SUSD4: variants seen among roughly 807,000 people sequenced by gnomAD.
The protein encoded by SUSD4 is sushi domain containing 4, also known as sushi domain-containing protein 4.
A neutral mutation model predicts 50.5 loss-of-function variants in SUSD4; 41 were observed. The observed-to-expected ratio is 0.81, with a 90% CI of 0.63 to 1.05. The LOEUF is 1.05. Among genes scored for constraint, SUSD4 ranks in the 50% least tolerant of loss-of-function variants. The pLI, the probability that SUSD4 is intolerant of heterozygous loss-of-function variation, is 0.00. For synonymous variants in SUSD4, 257 were observed against 257.3 expected, an observed-to-expected ratio of 1.00 and a Z score of 0.01; for missense variants, 580 against 634.7, an observed-to-expected ratio of 0.91 and a Z score of 0.93.
At position 223,229,797 on chromosome 1, in the gene SUSD4, T is replaced by C. The variant is rs1372814721; in HGVS notation, c.725-409A>G. 1.3e-5 allele frequency among the ~76,000 whole-genome samples: 2 copies of C among 152,250 alleles called. No individual in the cohort carries two copies. The highest frequency in any genetic ancestry group is 4.8e-5 in the African/African-American group (2 of 41,476). ...GGCATAGTTATCCCAAGCCTGTTTC[T>C]GTGACCACAGTAGTAATTTGGGTCT... On this transcript the variant is annotated intron_variant, in intron 5 of 8. Transcript: ENST00000366878. The surrounding 1 kb of genome is among the most constrained non-coding windows in gnomAD (Gnocchi z 4.7).
At chr1:223,233,463 C>G (rs1380963917) in intron 5 of SUSD4, among the ~76,000 whole-genome samples, 1 of 152,200 alleles carries the variant, frequency 6.6e-6, no homozygotes, top group African/African-American at 2.4e-5. Flanking sequence ...TCACCCAACA[C>G]TGCCTCTCAC....
chr1:223,290,077 C>A (rs1277464301), intron 3 of SUSD4, among the ~76,000 whole-genome samples: 2 of 152,138 alleles, frequency 1.3e-5, no homozygotes, highest in Non-Finnish European at 2.9e-5. Context: ...CTTTAATGAC[C>A]TATAACAATG....
intron 7 of SUSD4, among the ~76,000 whole-genome samples, chr1:223,226,509 C>A (rs1443522388): frequency 1.3e-5 from 2 of 152,214 alleles, no homozygotes; most frequent in African/African-American, 4.8e-5. Context: ...AGGTTAAGGG[C>A]AAAGGCGGGT....
intron 3 of SUSD4, among the ~76,000 whole-genome samples, chr1:223,284,827 A>C (rs1664025524): frequency 6.6e-6 from 1 of 152,316 alleles, no homozygotes; most frequent in South Asian, 2.1e-4. Flanking sequence ...ATCTCATAGA[A>C]GTAAAAAGTA....
intron 2 of SUSD4, among the ~76,000 whole-genome samples, chr1:223,344,876 T>C (rs1270945521): frequency 6.6e-6 from 1 of 152,210 alleles, no homozygotes; most frequent in Non-Finnish European, 1.5e-5. Flanking sequence ...CCTTGTTATG[T>C]TCAAGGCTGG....
intron 2 of SUSD4, among the ~76,000 whole-genome samples, chr1:223,356,836 G>T (rs531647650): frequency 6.6e-6 from 1 of 152,288 alleles, no homozygotes; most frequent in Admixed American, 6.5e-5. Flanking sequence ...AAGAGAGAGA[G>T]AAATACTCAA....
rs148190535 is a variant in SUSD4 at position 223,282,604 on chromosome 1, G to A, written c.361+9835C>T. Reference sequence around the variant, plus strand: ...GAAATAAAAGAGGATATGAACAAGTGGAAGAACATTCTATGCTCATGGGTA... The same window carrying A: ...GAAATAAAAGAGGATATGAACAAGTAGAAGAACATTCTATGCTCATGGGTA... On this transcript the variant is annotated intron_variant, in intron 3 of 8. Coordinates refer to ENST00000366878, the MANE Select transcript of SUSD4 (RefSeq NM_017982.4). Among the ~76,000 whole-genome samples, 537 of 152,302 alleles carry A rather than the reference G, an allele frequency of 3.5e-3. 21 individuals carry two copies. Among genetic ancestry groups the A allele is most frequent in the Admixed American group, 0.031 (469 of 15,302 alleles).
intron 5 of SUSD4, among the ~76,000 whole-genome samples, chr1:223,237,241 G>A (rs1360965038): frequency 6.6e-6 from 1 of 151,908 alleles, no homozygotes; most frequent in Non-Finnish European, 1.5e-5. Context: ...TTCTAGGAGG[G>A]TTTTTTGGTC....
At chr1:223,335,474 C>A (rs1667406295) in intron 2 of SUSD4, among the ~76,000 whole-genome samples, 1 of 152,042 alleles carries the variant, frequency 6.6e-6, no homozygotes, top group South Asian at 2.1e-4. Context: ...TCTTTTCAGT[C>A]AATTTTCAGT....
chr1:223,362,988 G>C (rs1669082475), intron 2 of SUSD4, among the ~76,000 whole-genome samples: 2 of 129,328 alleles, frequency 1.5e-5, no homozygotes, highest in Admixed American at 2.1e-4. Flanking sequence ...GGGAATAATG[G>C]GCCAGGCTTT....
intron 2 of SUSD4, among the ~76,000 whole-genome samples, chr1:223,317,254 A>G (rs1034752893): frequency 1.3e-5 from 2 of 152,212 alleles, no homozygotes; most frequent in Non-Finnish European, 2.9e-5. Context: ...CTACACTCCG[A>G]CCAGTGCCAT....
chr1:223,225,320 G>A (rs851144), intron 7 of SUSD4, among the ~76,000 whole-genome samples: 9,068 of 152,146 alleles, frequency 0.06, 639 homozygotes, highest in African/African-American at 0.17. Context: ...AAGATGAAAC[G>A]TCTGGGGGTG....
intron 2 of SUSD4, among the ~76,000 whole-genome samples, chr1:223,304,109 A>T (rs1665365139): frequency 6.6e-6 from 1 of 152,202 alleles, no homozygotes; most frequent in Admixed American, 6.5e-5. Context: ...GGCCTGTCTT[A>T]TCCATATGAA....
intron 2 of SUSD4, among the ~76,000 whole-genome samples, chr1:223,335,805 G>A (rs1215282146): frequency 6.6e-6 from 1 of 152,192 alleles, no homozygotes; most frequent in African/African-American, 2.4e-5. Context: ...CTGAGACGGT[G>A]ATCAGAGGGC....
intron 5 of SUSD4, among the ~76,000 whole-genome samples, chr1:223,247,171 G>A (rs1230657396): frequency 1.3e-5 from 2 of 152,178 alleles, no homozygotes; most frequent in Non-Finnish European, 2.9e-5. Context: ...CACAGCTCGT[G>A]GGAGAGGCTG....
chr1:223,345,101 G>A (rs550606024), intron 2 of SUSD4, among the ~76,000 whole-genome samples: 7 of 152,122 alleles, frequency 4.6e-5, no homozygotes, highest in Non-Finnish European at 8.8e-5. Flanking sequence ...TAGATAATTG[G>A]ACATTGTGGT....
chr1:223,309,754 C>T (rs1298266708), intron 2 of SUSD4, among the ~76,000 whole-genome samples: 1 of 152,212 alleles, frequency 6.6e-6, no homozygotes, highest in Non-Finnish European at 1.5e-5. Context: ...TTTCTGAGGA[C>T]AAGATGCATT....
chr1:223,264,072 T>C, intron 5 of SUSD4: 1 of 985,452 alleles, frequency 1.0e-6, no homozygotes. Context: ...ACTCCGCCAG[T>C]GGAAGCCCTG....
intron 2 of SUSD4, among the ~76,000 whole-genome samples, chr1:223,317,461 T>G (rs1666268101): frequency 6.6e-6 from 1 of 152,162 alleles, no homozygotes; most frequent in East Asian, 1.9e-4. Flanking sequence ...CTCTATGGAC[T>G]CTCCCTGAAT....
Sources: allele counts gnomAD v4.1 joint callset (sites outside exome capture counted in the v4.1 genomes callset), GRCh38; gene constraint gnomAD v4.1.1; non-coding constraint Gnocchi (gnomAD v3.1); transcripts MANE v1.5; gene names NCBI Gene and HGNC (gene_info 2026-07-23, HGNC 2026-07-21).